GRID1: variants seen among roughly 807,000 people sequenced by gnomAD.
GRID1 encodes the protein glutamate ionotropic receptor delta type subunit 1, also known as glutamate receptor ionotropic, delta-1.
A neutral mutation model predicts 98.0 loss-of-function variants in GRID1; 28 were observed. The ratio of observed to expected loss-of-function variants is 0.29; its 90% CI spans 0.21 to 0.39. The LOEUF (loss-of-function observed/expected upper bound fraction) is 0.39. GRID1 is among the 10% of genes least tolerant of loss of function. The pLI, the probability that GRID1 is intolerant of heterozygous loss-of-function variation, is 1.00. For synonymous variants in GRID1, 553 were observed against 538.5 expected, an observed-to-expected ratio of 1.03 and a Z score of -0.37; for missense variants, 1,111 against 1,340.5, an observed-to-expected ratio of 0.83 and a Z score of 2.67.
Position 86,364,049 on chromosome 10 carries a change from A to C in GRID1, c.127T>G (p.Leu43Val). Residue 43 changes from leucine to valine, a missense_variant, in exon 2 of 16, where the codon TTG becomes GTG. Physicochemically the swap from Leu to Val is conservative, Grantham distance 32 (BLOSUM62 1). Around this residue, in one of 3 missense-constraint regions of GRID1, gnomAD observed 346 missense variants for 452.3 expected, o/e 0.76. Coordinates refer to ENST00000327946, the MANE Select transcript of GRID1 (RefSeq NM_017551.3). Reference protein sequence around the residue: ...NAAKDDRVFQLAVSDLSLNDD... With the variant: ...NAAKDDRVFQVAVSDLSLNDD... ...TTGAGGCTCAGGTCGGATACCGCCA[A>C]CTGGAACACCCTGTCGTCCTTGGCC... is the stretch of plus-strand genomic sequence containing the variant. The C allele has an allele frequency of 6.2e-7, 1 of 1,614,022 alleles. No homozygotes were observed. Among genetic ancestry groups the C allele is most frequent in the Non-Finnish European group, 8.5e-7 (1 of 1,179,854 alleles).
intron 4 of GRID1, among the ~76,000 whole-genome samples, chr10:85,949,697 C>A (rs1460618383): frequency 6.6e-6 from 1 of 152,114 alleles, no homozygotes; most frequent in Non-Finnish European, 1.5e-5. Flanking sequence ...TTTAACCTCC[C>A]TGAAACTCAG....
At chr10:86,175,483 C>T (rs1236087080) in intron 3 of GRID1, among the ~76,000 whole-genome samples, 1 of 152,112 alleles carries the variant, frequency 6.6e-6, no homozygotes, top group Non-Finnish European at 1.5e-5. Flanking sequence ...TTCCATATGA[C>T]CTAGCCAGCT....
chr10:85,631,654 C>A (rs1366680573), intron 13 of GRID1, among the ~76,000 whole-genome samples: 1 of 152,138 alleles, frequency 6.6e-6, no homozygotes, highest in Non-Finnish European at 1.5e-5. Flanking sequence ...ACAACCTTGT[C>A]AGTAGGGCAA....
intron 8 of GRID1, among the ~76,000 whole-genome samples, chr10:85,813,330 A>G (rs1025843934): frequency 1.3e-5 from 2 of 151,784 alleles, no homozygotes; most frequent in South Asian, 2.1e-4. Flanking sequence ...AAAAGGAAAA[A>G]TCCTGAAAGC....
Position 86,366,565 on chromosome 10 carries a change from G to A in GRID1, c.-173C>T, listed in dbSNP as rs1564750528. 4.1e-6 allele frequency: 1 copy of A among 243,692 alleles called. No individual in the cohort carries two copies. Among genetic ancestry groups the A allele is most frequent in the Non-Finnish European group, 7.7e-6 (1 of 130,472 alleles). The allele number at this position is 243,692 out of a possible 1,614,324, so 15.1% of individuals were successfully genotyped here. A position where few individuals can be genotyped will look rare whatever the true frequency, so the allele number is the denominator to read the frequency against. ...TGCGCCCTGCGCCCGCCCCAGCCCA[G>A]CCCAGCCCAGCCCAGCGCGGTCGGG... On this transcript the variant is annotated 5_prime_UTR_variant, in exon 1 of 16. Transcript: ENST00000327946. This position sits in a 1 kb window ranked among gnomAD's most constrained non-coding sequence, Gnocchi z 4.1.
Position 85,974,019 on chromosome 10 carries a change from C to T in GRID1, c.727-57780G>A, listed in dbSNP as rs553211419. 6.6e-5 allele frequency among the ~76,000 whole-genome samples: 10 copies of T among 152,314 alleles called. No homozygotes were observed. In the East Asian group the frequency reaches 1.7e-3, roughly 26 times the overall value. Reference sequence around the variant, plus strand: ...GTCACCTGGATGGCCCAGCTCCACACGTCCCATTCTTGGGCTCAGTGTGAG... The same window carrying T: ...GTCACCTGGATGGCCCAGCTCCACATGTCCCATTCTTGGGCTCAGTGTGAG... On this transcript the variant is annotated intron_variant, in intron 4 of 15. Coordinates refer to ENST00000327946, the MANE Select transcript of GRID1 (RefSeq NM_017551.3).
intron 2 of GRID1, among the ~76,000 whole-genome samples, chr10:86,256,498 C>T (rs1333043942): frequency 6.6e-6 from 1 of 152,068 alleles, no homozygotes; most frequent in Non-Finnish European, 1.5e-5. Context: ...CGTCATGTCC[C>T]CATGACTGCA....
chr10:86,223,477 A>T (rs960032808), intron 2 of GRID1, among the ~76,000 whole-genome samples: 1 of 152,184 alleles, frequency 6.6e-6, no homozygotes, highest in Non-Finnish European at 1.5e-5. Flanking sequence ...ACATGCACAC[A>T]TGGCTGCTCT....
chr10:86,352,014 CA>C (rs1848470005), intron 2 of GRID1, among the ~76,000 whole-genome samples: 1 of 152,198 alleles, frequency 6.6e-6, no homozygotes, highest in East Asian at 1.9e-4. Flanking sequence ...GGGGCAGTGA[CA>C]AAAGGGGCCA....
intron 4 of GRID1, among the ~76,000 whole-genome samples, chr10:86,050,549 CAA>C (rs560178645): frequency 5.4e-4 from 82 of 152,058 alleles, no homozygotes; most frequent in Middle Eastern, 3.4e-3. Context: ...CATAGTCAAA[CAA>C]TGATGAATTT....
intron 4 of GRID1, among the ~76,000 whole-genome samples, chr10:86,010,653 C>T (rs1330612143): frequency 6.6e-6 from 1 of 151,802 alleles, no homozygotes; most frequent in East Asian, 1.9e-4. Context: ...TCCATCTCTA[C>T]TAAAATACAA....
chr10:85,632,386 A>T (rs545584805), intron 13 of GRID1, among the ~76,000 whole-genome samples: 1 of 152,316 alleles, frequency 6.6e-6, no homozygotes, highest in African/African-American at 2.4e-5. Context: ...TTCAGAAGCC[A>T]TAAGGATCAC....
At chr10:85,779,220 T>C (rs1224910880) in intron 8 of GRID1, among the ~76,000 whole-genome samples, 4 of 152,032 alleles carry the variant, frequency 2.6e-5, no homozygotes. Context: ...AATTTGCTGC[T>C]GTTTCTCAGT....
chr10:86,056,867 G>A lies in GRID1; in HGVS notation c.726+81952C>T, dbSNP rs1056351480. Among the ~76,000 whole-genome samples, 10 of 152,184 alleles carry A rather than the reference G, an allele frequency of 6.6e-5. No homozygotes were observed. The East Asian group carries it at 7.7e-4, about 12-fold the overall frequency. On this transcript the variant is annotated intron_variant, in intron 4 of 15. Coordinates refer to ENST00000327946, the MANE Select transcript of GRID1 (RefSeq NM_017551.3). ...AGCAATCAGGAGCCCCTAGGGCCTC[G>A]GGCCCATCTGCAGTGCAAAGACAGA...
chr10:86,098,139 G>A (rs903771663), intron 4 of GRID1, among the ~76,000 whole-genome samples: 1 of 152,134 alleles, frequency 6.6e-6, no homozygotes, highest in African/African-American at 2.4e-5. Context: ...TCAAGTCAAT[G>A]TAGTTACCAT....
At chr10:85,810,275 C>T (rs541811214) in intron 8 of GRID1, among the ~76,000 whole-genome samples, 84 of 152,312 alleles carry the variant, frequency 5.5e-4, no homozygotes, top group African/African-American at 1.9e-3. Context: ...TCTCTCCACC[C>T]ACATGGGTGG....
At chr10:86,142,663 C>G (rs1049144264) in intron 3 of GRID1, among the ~76,000 whole-genome samples, 3 of 152,252 alleles carry the variant, frequency 2.0e-5, no homozygotes, top group Non-Finnish European at 2.9e-5. Context: ...AGAGACTGGC[C>G]ATGTCTACAG....
chr10:85,982,056 G>A (rs1842550361), intron 4 of GRID1, among the ~76,000 whole-genome samples: 1 of 152,136 alleles, frequency 6.6e-6, no homozygotes, highest in Non-Finnish European at 1.5e-5. Flanking sequence ...AGGCCCTGAG[G>A]TGAGCGCTTG....
At chr10:86,200,967 T>A (rs898071898) in intron 3 of GRID1, among the ~76,000 whole-genome samples, 3 of 152,186 alleles carry the variant, frequency 2.0e-5, no homozygotes, top group African/African-American at 7.2e-5. Flanking sequence ...ATATTGCACA[T>A]GGTAGTGTGA....
Sources: allele counts gnomAD v4.1 joint callset (sites outside exome capture counted in the v4.1 genomes callset), GRCh38; gene constraint gnomAD v4.1.1; regional missense constraint gnomAD v4.1.1; non-coding constraint Gnocchi (gnomAD v3.1); transcripts MANE v1.5; gene names NCBI Gene and HGNC (gene_info 2026-07-23, HGNC 2026-07-21).